Variants in FGF12 observed in about 807,000 individuals in gnomAD.
The protein encoded by FGF12 is fibroblast growth factor 12B.
Under a neutral mutation model 23.6 loss-of-function variants are expected in FGF12, and 14 were observed. That is an observed-to-expected ratio of 0.59 (90% CI 0.39 to 0.93). The LOEUF (loss-of-function observed/expected upper bound fraction) is 0.93. Among genes scored for constraint, FGF12 ranks in the 40% least tolerant of loss-of-function variants. The pLI is 0.00. For missense variants in FGF12, 175 were observed against 217.8 expected, an observed-to-expected ratio of 0.80 and a Z score of 1.24; for synonymous variants, 62 against 77.3, an observed-to-expected ratio of 0.80 and a Z score of 1.04.
intron 4 of FGF12, among the ~76,000 whole-genome samples, chr3:192,202,789 A>G (rs1037298432): frequency 1.8e-4 from 27 of 152,214 alleles, no homozygotes; most frequent in African/African-American, 6.5e-4. Flanking sequence ...AATACAAATT[A>G]TAATGTATAT....
intron 4 of FGF12, among the ~76,000 whole-genome samples, chr3:192,206,929 TG>T (rs1468110268): frequency 3.9e-5 from 6 of 152,156 alleles, no homozygotes; most frequent in African/African-American, 1.4e-4. Context: ...TCTTATTCTC[TG>T]GGGGTGAATG....
intron 4 of FGF12, among the ~76,000 whole-genome samples, chr3:192,221,859 A>G (rs944848919): frequency 2.0e-5 from 3 of 152,216 alleles, no homozygotes; most frequent in Non-Finnish European, 4.4e-5. Context: ...AATGATCATG[A>G]TATAAATACC....
intron 2 of FGF12, among the ~76,000 whole-genome samples, chr3:192,576,627 T>C (rs1712900316): frequency 6.6e-6 from 1 of 152,192 alleles, no homozygotes; most frequent in Non-Finnish European, 1.5e-5. Flanking sequence ...ATCAGATACA[T>C]TATTTAAGAA....
intron 2 of FGF12, among the ~76,000 whole-genome samples, chr3:192,490,689 T>C (rs1723776709): frequency 6.6e-6 from 1 of 152,102 alleles, no homozygotes; most frequent in African/African-American, 2.4e-5. Flanking sequence ...GTGTGGTATG[T>C]TTATAGCACT....
intron 2 of FGF12, among the ~76,000 whole-genome samples, chr3:192,717,811 T>C (rs148958702): frequency 1.1e-4 from 17 of 152,326 alleles, no homozygotes; most frequent in Admixed American, 1.0e-3. Context: ...CACTTCTGAT[T>C]ATAACCCATG....
At chr3:192,499,014 C>T (rs1724041626) in intron 2 of FGF12, among the ~76,000 whole-genome samples, 1 of 152,180 alleles carries the variant, frequency 6.6e-6, no homozygotes, top group South Asian at 2.1e-4. Context: ...GTATAATTTG[C>T]TTCTGCCTTT....
chr3:192,509,502 G>C (rs541091655), intron 2 of FGF12, among the ~76,000 whole-genome samples: 101 of 152,274 alleles, frequency 6.6e-4, no homozygotes, highest in African/African-American at 2.4e-3. Flanking sequence ...AGATGTGATC[G>C]GGAGCCTCAA....
rs1043037018 is a variant in FGF12, at chr3:192,142,393, C to G, written c.*1616G>C. 5 of 152,508 alleles carry G rather than the reference C, an allele frequency of 3.3e-5. No homozygotes were observed. Among genetic ancestry groups the G allele is most frequent in the Non-Finnish European group, 7.4e-5 (5 of 67,948 alleles). 9.4% of individuals were successfully genotyped at this position (152,508 alleles called of 1,614,324 possible). On this transcript the variant is annotated 3_prime_UTR_variant, in exon 6 of 6. Coordinates refer to ENST00000445105, the MANE Select transcript of FGF12 (RefSeq NM_004113.6). ...ATATTTTAGGGAGTCATATTTGGAA[C>G]AATACATGCTGGACAGTAGAGATAT...
rs151165569 is a variant in FGF12, at chr3:192,670,017, A to G, written c.13+57164T>C. ...ACAATCACTGGCTGAGTTTTGATGT[A>G]GTGTTAAGAAAAATATCCACAATTA... On this transcript the variant is annotated intron_variant, in intron 2 of 5. Transcript: ENST00000445105. Among the ~76,000 whole-genome samples, 637 of 152,344 alleles carry G rather than the reference A, an allele frequency of 4.2e-3. 4 individuals are homozygous for G. Among genetic ancestry groups the G allele is most frequent in the African/African-American group, 0.015 (612 of 41,584 alleles).
intron 2 of FGF12, among the ~76,000 whole-genome samples, chr3:192,698,420 C>T (rs544592969): frequency 6.6e-6 from 1 of 152,108 alleles, no homozygotes; most frequent in African/African-American, 2.4e-5. Flanking sequence ...TCACAAAATA[C>T]AGGAATTACA....
At position 192,336,106 on chromosome 3, in the gene FGF12, A is replaced by AAT. The variant is rs1717397744; in HGVS notation, c.125-644_125-643dup. On this transcript the variant is annotated intron_variant, in intron 3 of 5. Coordinates refer to ENST00000445105, the MANE Select transcript of FGF12 (RefSeq NM_004113.6). The surrounding 1 kb of genome is among the most constrained non-coding windows in gnomAD (Gnocchi z 4.3). ...GGATATATTTTATATCCAGGTGGGA[A>AAT]ATACACACACACACACACACACACA... Among the ~76,000 whole-genome samples the AAT allele has an allele frequency of 8.5e-6, 1 of 118,114 alleles. No homozygotes were observed. Among genetic ancestry groups the AAT allele is most frequent in the Non-Finnish European group, 1.8e-5 (1 of 55,358 alleles). 77.5% of individuals were successfully genotyped at this position (118,114 alleles called of 152,430 possible).
chr3:192,527,885 A>G (rs1425833431), intron 2 of FGF12, among the ~76,000 whole-genome samples: 2 of 152,160 alleles, frequency 1.3e-5, no homozygotes, highest in Non-Finnish European at 2.9e-5. Flanking sequence ...TCCCCCTTAT[A>G]TAATCATCAG....
chr3:192,706,694 C>T (rs1366856233), intron 2 of FGF12, among the ~76,000 whole-genome samples: 1 of 152,204 alleles, frequency 6.6e-6, no homozygotes, highest in African/African-American at 2.4e-5. Context: ...CCGCTTACAA[C>T]ACACTAAGGC....
At chr3:192,218,130 G>A (rs1009647813) in intron 4 of FGF12, among the ~76,000 whole-genome samples, 4 of 152,114 alleles carry the variant, frequency 2.6e-5, no homozygotes, top group African/African-American at 9.7e-5. Flanking sequence ...ACCACGCCTG[G>A]CCCTTCTTGT....
In FGF12 at chr3:192,379,124, A is replaced by T. The variant is rs1331405146; in HGVS notation, c.14-18586T>A. On this transcript the variant is annotated intron_variant, in intron 2 of 5. Coordinates refer to ENST00000445105, the MANE Select transcript of FGF12 (RefSeq NM_004113.6). ...GGCTGCATAGTATTCCATGGTGTAT[A>T]TGTACCACATTTTCTTTATCCAATC... Among the ~76,000 whole-genome samples, 3 of 152,158 alleles carry T rather than the reference A, an allele frequency of 2.0e-5. No individual in the cohort carries two copies. In the East Asian group the frequency reaches 5.8e-4, roughly 29 times the overall value.
chr3:192,650,773 A>G (rs1716186759), intron 2 of FGF12, among the ~76,000 whole-genome samples: 1 of 152,234 alleles, frequency 6.6e-6, no homozygotes, highest in African/African-American at 2.4e-5. Flanking sequence ...TTTTTAAAAT[A>G]TATAATAAAA....
chr3:192,555,680 C>A (rs1711738115), intron 2 of FGF12, among the ~76,000 whole-genome samples: 1 of 146,760 alleles, frequency 6.8e-6, no homozygotes, highest in Admixed American at 6.8e-5. Flanking sequence ...TGCCTGTAAT[C>A]CCAGCTAATC....
At chr3:192,617,816 T>C (rs1714819388) in intron 2 of FGF12, among the ~76,000 whole-genome samples, 1 of 152,044 alleles carries the variant, frequency 6.6e-6, no homozygotes, top group Admixed American at 6.6e-5. Context: ...GAGGAAAAAC[T>C]GGGTAGATGC....
At chr3:192,499,516 A>ATTTTTT (rs71177364) in intron 2 of FGF12, among the ~76,000 whole-genome samples, 1 of 38,870 alleles carries the variant, frequency 2.6e-5, no homozygotes, top group Non-Finnish European at 4.3e-5. Context: ...ATATATATAT[A>ATTTTTT]TTTTTTTTTT....
Sources: allele counts gnomAD v4.1 joint callset (sites outside exome capture counted in the v4.1 genomes callset), GRCh38; gene constraint gnomAD v4.1.1; non-coding constraint Gnocchi (gnomAD v3.1); transcripts MANE v1.5; gene names NCBI Gene and HGNC (gene_info 2026-07-23, HGNC 2026-07-21).